The following CACHD1 variants were observed in gnomAD, a reference collection of about 807,000 sequenced individuals.
The protein encoded by CACHD1 is VWFA and cache domain-containing protein 1.
In CACHD1, 71 loss-of-function variants were observed where a neutral mutation model predicts 138.7. The ratio of observed to expected loss-of-function variants is 0.51; its 90% CI spans 0.42 to 0.62. The LOEUF is 0.62. CACHD1 is among the 20% of genes least tolerant of loss of function. The pLI, the probability that CACHD1 is intolerant of heterozygous loss-of-function variation, is 0.00. For missense variants in CACHD1, 1,389 were observed against 1,625.3 expected (o/e 0.85, Z 2.50); for synonymous variants, 578 against 591.5 (o/e 0.98, Z 0.33).
At chr1:64,576,864 A>G (rs966395426) in intron 2 of CACHD1, among the ~76,000 whole-genome samples, 1 of 151,846 alleles carries the variant, frequency 6.6e-6, no homozygotes, top group African/African-American at 2.4e-5. Flanking sequence ...AATTTATTCC[A>G]TGGTACTCAG....
intron 1 of CACHD1, among the ~76,000 whole-genome samples, chr1:64,486,434 A>G (rs1646243849): frequency 6.6e-6 from 1 of 152,018 alleles, no homozygotes; most frequent in East Asian, 1.9e-4. Flanking sequence ...ACGTATTCAG[A>G]TGTGTTTTTT....
chr1:64,621,803 G>A (rs781450736), intron 4 of CACHD1, among the ~76,000 whole-genome samples: 11 of 152,172 alleles, frequency 7.2e-5, no homozygotes, highest in Non-Finnish European at 1.5e-4. Context: ...ATAGGAAGGA[G>A]CCAGGTCATG....
At chr1:64,586,086 TAG>T (rs1171834520) in intron 3 of CACHD1, among the ~76,000 whole-genome samples, 1 of 152,094 alleles carries the variant, frequency 6.6e-6, no homozygotes, top group East Asian at 1.9e-4. Context: ...TTTTTGGAGA[TAG>T]AGTCTCACTC....
At chr1:64,571,050 T>A (rs1189344632) in intron 2 of CACHD1, among the ~76,000 whole-genome samples, 2 of 152,130 alleles carry the variant, frequency 1.3e-5, no homozygotes, top group African/African-American at 2.4e-5. Context: ...TAGAAAGGCC[T>A]TTTCTCTATT....
intron 2 of CACHD1, among the ~76,000 whole-genome samples, chr1:64,555,824 C>G (rs1020518837): frequency 1.3e-5 from 2 of 152,172 alleles, no homozygotes; most frequent in Non-Finnish European, 2.9e-5. Context: ...TTTTCTTCCC[C>G]CATATGTGTT....
intron 1 of CACHD1, among the ~76,000 whole-genome samples, chr1:64,535,377 G>A (rs1646624225): frequency 1.3e-5 from 2 of 150,812 alleles, no homozygotes; most frequent in South Asian, 4.2e-4. Context: ...CCGGGCTGGA[G>A]TGCAATGGCA....
At chr1:64,500,807 A>G (rs1026039796) in intron 1 of CACHD1, among the ~76,000 whole-genome samples, 3 of 151,496 alleles carry the variant, frequency 2.0e-5, no homozygotes, top group African/African-American at 7.3e-5. Flanking sequence ...CAGCACTTTG[A>G]GAGGCCAAAG....
chr1:64,683,099 C>T (rs972771210), intron 26 of CACHD1, among the ~76,000 whole-genome samples: 5 of 152,150 alleles, frequency 3.3e-5, no homozygotes, highest in African/African-American at 9.7e-5. Flanking sequence ...AGATACTCCT[C>T]AGAGCAACCA....
chr1:64,588,301 G>T (rs972677404), intron 3 of CACHD1, among the ~76,000 whole-genome samples: 1 of 152,038 alleles, frequency 6.6e-6, no homozygotes, highest in African/African-American at 2.4e-5. Context: ...ATAACACTAA[G>T]AATAGCTATC....
At chr1:64,530,069 A>T (rs1391748388) in intron 1 of CACHD1, among the ~76,000 whole-genome samples, 1 of 152,226 alleles carries the variant, frequency 6.6e-6, no homozygotes, top group East Asian at 1.9e-4. Context: ...CTGGCAATAA[A>T]AGAGGAAGGC....
At chr1:64,519,437 G>C (rs867970494) in intron 1 of CACHD1, among the ~76,000 whole-genome samples, 1 of 152,204 alleles carries the variant, frequency 6.6e-6, no homozygotes, top group Non-Finnish European at 1.5e-5. Context: ...CCAGGCCTCA[G>C]TTTCCTTGTC....
Position 64,674,858 on chromosome 1 carries a change from A to T in CACHD1, c.2728-543A>T, listed in dbSNP as rs537735417. Among the ~76,000 whole-genome samples the T allele has an allele frequency of 5.0e-4, 76 of 152,350 alleles. 2 individuals are homozygous for T. The highest frequency in any genetic ancestry group is 2.1e-4 in the South Asian group (1 of 4,830). ...TGCTATCACATTTTCTTGTTATGGA[A>T]TGAAGAAAAGGGATACTTGTTTTAG... On this transcript the variant is annotated intron_variant, in intron 19 of 26. Transcript: ENST00000651257.
At chr1:64,513,384 G>A (rs1325712962) in intron 1 of CACHD1, among the ~76,000 whole-genome samples, 1 of 152,172 alleles carries the variant, frequency 6.6e-6, no homozygotes, top group Non-Finnish European at 1.5e-5. Flanking sequence ...ATGTTGAAAG[G>A]CTGCTGTAAG....
At chr1:64,611,435 A>T (rs1420178097) in intron 4 of CACHD1, among the ~76,000 whole-genome samples, 1 of 152,216 alleles carries the variant, frequency 6.6e-6, no homozygotes, top group African/African-American at 2.4e-5. Context: ...GTTCATGCAT[A>T]TATGCATACA....
intron 9 of CACHD1, among the ~76,000 whole-genome samples, chr1:64,650,908 C>T (rs1453161050): frequency 2.6e-5 from 4 of 152,076 alleles, no homozygotes; most frequent in Admixed American, 6.5e-5. Context: ...CACCTCCCCC[C>T]GCCCCCAACC....
At chr1:64,521,102 C>T (rs1204428205) in intron 1 of CACHD1, among the ~76,000 whole-genome samples, 1 of 152,208 alleles carries the variant, frequency 6.6e-6, no homozygotes, top group Non-Finnish European at 1.5e-5. Flanking sequence ...ATCAAGATGG[C>T]AGCTGGTACT....
At position 64,559,954 on chromosome 1, in the gene CACHD1, C is replaced by T. The variant is rs186442116; in HGVS notation, c.261+9298C>T. Among the ~76,000 whole-genome samples, 170 of 152,174 alleles carry T rather than the reference C, an allele frequency of 1.1e-3. 1 individual carries two copies. The highest frequency in any genetic ancestry group is 4.0e-3 in the African/African-American group (165 of 41,518). ...GTTGATATTTTAAAAAAGAAATTTG[C>T]TATTTTCATCTAAGCTGTCAAATTT... On this transcript the variant is annotated intron_variant, in intron 2 of 26. Transcript: ENST00000651257.
intron 3 of CACHD1, among the ~76,000 whole-genome samples, chr1:64,587,389 A>T (rs1647058475): frequency 1.3e-5 from 2 of 152,240 alleles, no homozygotes; most frequent in South Asian, 4.1e-4. Context: ...GGAGCTTTAA[A>T]GACCTTTGTT....
chr1:64,690,184 G>T (rs954244383), intron 26 of CACHD1, among the ~76,000 whole-genome samples: 5 of 152,118 alleles, frequency 3.3e-5, no homozygotes, highest in Admixed American at 1.3e-4. Flanking sequence ...GTATATTATA[G>T]GTACGCAGTA....
Sources: gnomAD v4.1 joint callset for allele counts (sites outside exome capture counted in the v4.1 genomes callset) on GRCh38, gnomAD v4.1.1 for gene constraint, MANE v1.5 for transcripts, NCBI Gene and HGNC (gene_info 2026-07-23, HGNC 2026-07-21) for gene names.